Variants in TMEM132D observed in about 807,000 individuals in gnomAD.
The protein encoded by TMEM132D is mature OL transmembrane protein.
Under a neutral mutation model 62.3 loss-of-function variants are expected in TMEM132D, and 21 were observed. That is an observed-to-expected ratio of 0.34 (90% CI 0.24 to 0.49). The LOEUF is 0.49. Among genes scored for constraint, TMEM132D ranks in the 20% least tolerant of loss-of-function variants. The pLI is 0.99. For synonymous variants in TMEM132D, 621 were observed against 575.6 expected, an observed-to-expected ratio of 1.08 and a Z score of -1.13; for missense variants, 1,346 against 1,402.8, an observed-to-expected ratio of 0.96 and a Z score of 0.65.
chr12:129,209,737 C>T (rs1878973374), intron 4 of TMEM132D, 74 bp from the exon 5 acceptor site: 6 of 1,577,136 alleles, frequency 3.8e-6, no homozygotes, highest in East Asian at 2.3e-5. Context: ...TGCCGCCTGC[C>T]TTTCCTCAGC....
At chr12:129,436,281 C>T (rs553101752) in intron 3 of TMEM132D, among the ~76,000 whole-genome samples, 10 of 152,284 alleles carry the variant, frequency 6.6e-5, no homozygotes, top group South Asian at 2.1e-4. Context: ...TATTCCATCA[C>T]TCCATTTTCT....
intron 5 of TMEM132D, among the ~76,000 whole-genome samples, chr12:129,117,637 C>T (rs912543834): frequency 1.3e-5 from 2 of 152,172 alleles, no homozygotes; most frequent in Non-Finnish European, 1.5e-5. Flanking sequence ...CACTTTTAGA[C>T]ATCGTATGAC....
At chr12:129,338,793 T>C (rs984108336) in intron 3 of TMEM132D, among the ~76,000 whole-genome samples, 12 of 152,352 alleles carry the variant, frequency 7.9e-5, no homozygotes, top group African/African-American at 2.6e-4. Flanking sequence ...CTTTTATATG[T>C]GACAAAGCTA....
intron 3 of TMEM132D, among the ~76,000 whole-genome samples, chr12:129,425,510 C>A (rs987443542): frequency 1.3e-5 from 2 of 151,580 alleles, no homozygotes; most frequent in Non-Finnish European, 2.9e-5. Context: ...ATGTTCTTTG[C>A]AAAACATCTT....
intron 1 of TMEM132D, among the ~76,000 whole-genome samples, chr12:129,739,611 C>T (rs1869536878): frequency 6.6e-6 from 1 of 152,168 alleles, no homozygotes; most frequent in African/African-American, 2.4e-5. Flanking sequence ...TGAGTTGCTG[C>T]TTTAGAAAGC....
At chr12:129,358,953 A>G (rs1342380312) in intron 3 of TMEM132D, among the ~76,000 whole-genome samples, 1 of 102,282 alleles carries the variant, frequency 9.8e-6, no homozygotes, top group African/African-American at 4.2e-5. Flanking sequence ...AAGAAATTTC[A>G]AGCTTTTTTT....
intron 2 of TMEM132D, among the ~76,000 whole-genome samples, chr12:129,622,828 T>C (rs779378672): frequency 4.0e-4 from 61 of 152,300 alleles, no homozygotes; most frequent in Non-Finnish European, 6.6e-4. Context: ...GTCATTGCCA[T>C]GGTGATTGGT....
chr12:129,319,596 T>G (rs566845199), intron 4 of TMEM132D, among the ~76,000 whole-genome samples: 1 of 152,268 alleles, frequency 6.6e-6, no homozygotes, highest in East Asian at 1.9e-4. Flanking sequence ...AAGGATGAGA[T>G]CACCCAAGGA....
At chr12:129,285,224 G>C (rs1329629808) in intron 4 of TMEM132D, among the ~76,000 whole-genome samples, 1 of 151,996 alleles carries the variant, frequency 6.6e-6, no homozygotes, top group African/African-American at 2.4e-5. Context: ...AGGAAGATGA[G>C]AGAGAGGCTC....
intron 1 of TMEM132D, among the ~76,000 whole-genome samples, chr12:129,807,882 T>G (rs1378569427): frequency 6.6e-6 from 1 of 152,200 alleles, no homozygotes; most frequent in Non-Finnish European, 1.5e-5. Flanking sequence ...CCTGGCTTAG[T>G]ATTCAGCATC....
At chr12:129,570,076 C>T (rs1877470356) in intron 2 of TMEM132D, among the ~76,000 whole-genome samples, 1 of 152,124 alleles carries the variant, frequency 6.6e-6, no homozygotes, top group Non-Finnish European at 1.5e-5. Flanking sequence ...ATTAAATCAA[C>T]CAGAAGTGCC....
At chr12:129,235,821 G>A (rs926971868) in intron 4 of TMEM132D, among the ~76,000 whole-genome samples, 2 of 151,772 alleles carry the variant, frequency 1.3e-5, no homozygotes, top group Non-Finnish European at 2.9e-5. Flanking sequence ...ATATTGTTTG[G>A]CTATTTGGGG....
intron 1 of TMEM132D, among the ~76,000 whole-genome samples, chr12:129,764,360 A>G (rs547417743): frequency 1.3e-5 from 2 of 152,330 alleles, no homozygotes; most frequent in Admixed American, 1.3e-4. Flanking sequence ...ACAATATTAT[A>G]GTAGGGTTAA....
At chr12:129,316,470 G>T (rs1868491559) in intron 4 of TMEM132D, among the ~76,000 whole-genome samples, 1 of 152,056 alleles carries the variant, frequency 6.6e-6, no homozygotes, top group Non-Finnish European at 1.5e-5. Context: ...GTTTCTTTTG[G>T]AGTTGATTTC....
intron 1 of TMEM132D, chr12:129,854,527 A>G (rs1205229528): frequency 6.6e-6 from 1 of 152,206 alleles, no homozygotes; most frequent in Non-Finnish European, 1.5e-5. Flanking sequence ...GTTTTCTAAA[A>G]ATAGTCTCAT....
Position 129,356,180 on chromosome 12 carries a change from G to A in TMEM132D, c.1116-18363C>T, listed in dbSNP as rs1289411384. Reference sequence around the variant, plus strand: ...TTTTTTTTTTTTTTTTTTTTGAGACGGAGTCTCGCTCTGTCGCCCAGGCTG... The same window carrying A: ...TTTTTTTTTTTTTTTTTTTTGAGACAGAGTCTCGCTCTGTCGCCCAGGCTG... On this transcript the variant is annotated intron_variant, in intron 3 of 8. Coordinates refer to ENST00000422113, the MANE Select transcript of TMEM132D (RefSeq NM_133448.3). 2.7e-4 allele frequency among the ~76,000 whole-genome samples: 4 copies of A among 15,070 alleles called. 1 individual carries two copies. Among genetic ancestry groups the A allele is most frequent in the African/African-American group, 1.6e-3 (4 of 2,522 alleles). The allele number at this position is 15,070 out of a possible 152,430, so 9.9% of individuals were successfully genotyped here. A position where few individuals can be genotyped will look rare whatever the true frequency, so the allele number is the denominator to read the frequency against.
intron 4 of TMEM132D, among the ~76,000 whole-genome samples, chr12:129,304,662 CTTT>C (rs35812965): frequency 4.5e-3 from 420 of 93,580 alleles, no homozygotes; most frequent in African/African-American, 0.016. Flanking sequence ...ATACTTGGAT[CTTT>C]TTTTTTTTTT....
rs915719460 is a variant in TMEM132D, at chr12:129,779,268, A to C, written c.80-78570T>G. On this transcript the variant is annotated intron_variant, in intron 1 of 8. Coordinates refer to ENST00000422113, the MANE Select transcript of TMEM132D (RefSeq NM_133448.3). This position sits in a 1 kb window ranked among gnomAD's most constrained non-coding sequence, Gnocchi z 4.1. The stretch of plus-strand genomic sequence containing the variant: ...AGCAGTACCAGGAAATGAAGCTTTT[A>C]TTCCAGCTGGCCATGTGCTCAGTGA... Among the ~76,000 whole-genome samples, 1 of 152,192 alleles carries C rather than the reference A, an allele frequency of 6.6e-6. No homozygotes were observed. The highest frequency in any genetic ancestry group is 1.5e-5 in the Non-Finnish European group (1 of 68,038).
intron 1 of TMEM132D, among the ~76,000 whole-genome samples, chr12:129,716,346 T>C (rs1327453077): frequency 6.6e-6 from 1 of 152,018 alleles, no homozygotes; most frequent in Non-Finnish European, 1.5e-5. Context: ...GTCAATGAGG[T>C]TCCCATCAGC....
Sources: allele counts gnomAD v4.1 joint callset (sites outside exome capture counted in the v4.1 genomes callset), GRCh38; gene constraint gnomAD v4.1.1; non-coding constraint Gnocchi (gnomAD v3.1); transcripts MANE v1.5; gene names NCBI Gene and HGNC (gene_info 2026-07-23, HGNC 2026-07-21).